FSTL5: variants seen among roughly 807,000 people sequenced by gnomAD.
FSTL5 encodes the protein follistatin-related protein 5.
A neutral mutation model predicts 89.1 loss-of-function variants in FSTL5; 62 were observed. That is an observed-to-expected ratio of 0.70 (90% CI 0.57 to 0.86). The LOEUF (loss-of-function observed/expected upper bound fraction) is 0.86. FSTL5 is among the 40% of genes least tolerant of loss of function. FSTL5 has a pLI of 0.00. For missense variants in FSTL5, 1,057 were observed against 1,001.6 expected (o/e 1.06, Z -0.75); for synonymous variants, 383 against 346.2 (o/e 1.11, Z -1.18).
chr4:161,783,677 C>CTCTT (rs751181020), intron 4 of FSTL5, among the ~76,000 whole-genome samples: 82 of 8,178 alleles, frequency 0.01, 12 homozygotes, highest in African/African-American at 0.025. Context: ...TTCTTTCTTT[C>CTCTT]TCTTTCTTTC....
chr4:161,785,126 C>T (rs980932561), intron 4 of FSTL5, among the ~76,000 whole-genome samples: 2 of 151,980 alleles, frequency 1.3e-5, no homozygotes, highest in South Asian at 2.1e-4. Flanking sequence ...ACTCAACATT[C>T]GACTTTACGT....
chr4:161,657,654 T>C (rs1040170891), intron 6 of FSTL5, among the ~76,000 whole-genome samples: 1 of 152,148 alleles, frequency 6.6e-6, no homozygotes, highest in African/African-American at 2.4e-5. Context: ...CCCCTTGAGA[T>C]GCTAAACAAG....
chr4:161,663,578 T>C (rs1015718915), intron 6 of FSTL5, among the ~76,000 whole-genome samples: 1 of 152,186 alleles, frequency 6.6e-6, no homozygotes, highest in African/African-American at 2.4e-5. Context: ...CCCTGTGGCA[T>C]TGCAGGGTAC....
At chr4:161,787,442 T>C (rs1041769813) in intron 4 of FSTL5, among the ~76,000 whole-genome samples, 10 of 152,064 alleles carry the variant, frequency 6.6e-5, no homozygotes, top group African/African-American at 1.9e-4. Flanking sequence ...ACCATGCACA[T>C]TTTATAAGGA....
At chr4:161,452,305 G>A (rs1349020233) in intron 15 of FSTL5, among the ~76,000 whole-genome samples, 5 of 152,028 alleles carry the variant, frequency 3.3e-5, no homozygotes, top group Admixed American at 6.6e-5. Flanking sequence ...GTGAAACTCC[G>A]TCTCTACTAA....
intron 4 of FSTL5, among the ~76,000 whole-genome samples, chr4:161,818,735 A>G (rs776313542): frequency 6.6e-6 from 1 of 152,188 alleles, no homozygotes; most frequent in Non-Finnish European, 1.5e-5. Context: ...AGTTTTCTAT[A>G]ACTTAATGTA....
rs184651468 is a variant in FSTL5 at position 161,851,252 on chromosome 4, T to C, written c.409+69152A>G. ...GGAAGTTGATTATCCTGACACCATC[T>C]TTCTCTTTTAATTGAAATATATAAA... On this transcript the variant is annotated intron_variant, in intron 4 of 15. Coordinates refer to ENST00000306100, the MANE Select transcript of FSTL5 (RefSeq NM_020116.5). 3.8e-3 allele frequency among the ~76,000 whole-genome samples: 584 copies of C among 152,338 alleles called. 2 individuals are homozygous for C. Among genetic ancestry groups the C allele is most frequent in the Middle Eastern group, 0.024 (7 of 294 alleles).
At position 161,929,681 on chromosome 4, in the gene FSTL5, G is replaced by GTGTGTGTGTGTGTGTGTGTGTGTGTATA. The variant is rs1553983439; in HGVS notation, c.161-9030_161-9029insTATACACACACACACACACACACACACA. Among the ~76,000 whole-genome samples, 129 of 115,526 alleles carry GTGTGTGTGTGTGTGTGTGTGTGTGTATA rather than the reference G, an allele frequency of 1.1e-3. 1 individual carries two copies. Among genetic ancestry groups the GTGTGTGTGTGTGTGTGTGTGTGTGTATA allele is most frequent in the African/African-American group, 4.0e-3 (125 of 30,908 alleles). The allele number at this position is 115,526 out of a possible 152,430, so 75.8% of individuals were successfully genotyped here. A position where few individuals can be genotyped will look rare whatever the true frequency, so the allele number is the denominator to read the frequency against. On this transcript the variant is annotated intron_variant, in intron 3 of 15. Coordinates refer to ENST00000306100, the MANE Select transcript of FSTL5 (RefSeq NM_020116.5). ...GGCACGTGTGTGTGTGTGTGTGTGT[G>GTGTGTGTGTGTGTGTGTGTGTGTGTATA]TGTGTGTGTGTGTGTGTGTGTACAT... is the stretch of plus-strand genomic sequence containing the variant.
rs926947518 is a variant in FSTL5, at chr4:161,516,128, A to T, written c.1313-5704T>A. Among the ~76,000 whole-genome samples the T allele has an allele frequency of 1.0e-4, 15 of 148,538 alleles. No homozygotes were observed. The South Asian group carries it at 3.1e-3, about 31-fold the overall frequency. The stretch of plus-strand genomic sequence containing the variant: ...ATAATGTATTATATATTATATTCTT[A>T]TATATATATTAGTTTGGTTACCTGT... On this transcript the variant is annotated intron_variant, in intron 10 of 15. Coordinates refer to ENST00000306100, the MANE Select transcript of FSTL5 (RefSeq NM_020116.5).
rs1553991664 is a variant in FSTL5, at chr4:161,496,833, T to TAGAGATAGAGAC, written c.1458+3182_1458+3183insGTCTCTATCTCT. The stretch of plus-strand genomic sequence containing the variant: ...ATAGAGATAGAGATAGAGATAGAGA[T>TAGAGATAGAGAC]AGAGATCAAAAGAGAGAAATAGAGG... On this transcript the variant is annotated intron_variant, in intron 12 of 15. Coordinates refer to ENST00000306100, the MANE Select transcript of FSTL5 (RefSeq NM_020116.5). Among the ~76,000 whole-genome samples the TAGAGATAGAGAC allele has an allele frequency of 6.8e-3, 1,033 of 151,188 alleles. 8 individuals are homozygous for TAGAGATAGAGAC. The highest frequency in any genetic ancestry group is 0.023 in the African/African-American group (961 of 40,936).
chr4:161,629,856 G>A (rs1735443957), intron 7 of FSTL5, among the ~76,000 whole-genome samples: 1 of 152,194 alleles, frequency 6.6e-6, no homozygotes, highest in South Asian at 2.1e-4. Context: ...AGGTCTCAGA[G>A]GGGAAAGCTA....
intron 3 of FSTL5, among the ~76,000 whole-genome samples, chr4:162,023,192 G>A (rs1339274429): frequency 1.3e-5 from 2 of 152,046 alleles, no homozygotes; most frequent in Admixed American, 6.6e-5. Context: ...CGTGTGGTAT[G>A]GTAAGATTTC....
intron 15 of FSTL5, chr4:161,387,271 A>T (rs1446406799): frequency 6.6e-6 from 1 of 152,060 alleles, no homozygotes; most frequent in African/African-American, 2.4e-5. Context: ...TCCAAAGTAG[A>T]TATTGGCCAA....
intron 6 of FSTL5, among the ~76,000 whole-genome samples, chr4:161,664,626 T>C (rs928267160): frequency 3.9e-5 from 6 of 152,192 alleles, no homozygotes; most frequent in African/African-American, 1.4e-4. Flanking sequence ...CATTTTTCTG[T>C]CTTTGTCTGA....
At chr4:161,482,796 C>G (rs934516155) in intron 12 of FSTL5, among the ~76,000 whole-genome samples, 1 of 152,190 alleles carries the variant, frequency 6.6e-6, no homozygotes, top group Non-Finnish European at 1.5e-5. Flanking sequence ...TTTATGTTCT[C>G]CAAATGTCAG....
At chr4:161,411,233 T>G (rs1731579488) in intron 15 of FSTL5, among the ~76,000 whole-genome samples, 1 of 152,154 alleles carries the variant, frequency 6.6e-6, no homozygotes, top group South Asian at 2.1e-4. Flanking sequence ...ACCAGATGAT[T>G]CACAGCCAAA....
intron 6 of FSTL5, among the ~76,000 whole-genome samples, chr4:161,744,723 G>A (rs1467011379): frequency 6.6e-6 from 1 of 151,992 alleles, no homozygotes; most frequent in Non-Finnish European, 1.5e-5. Flanking sequence ...GGAAAAGCCT[G>A]ATAAAATTGT....
chr4:161,664,434 C>T (rs188463949), intron 6 of FSTL5, among the ~76,000 whole-genome samples: 264 of 152,282 alleles, frequency 1.7e-3, no homozygotes, highest in African/African-American at 4.5e-3. Flanking sequence ...ATCTCTAGGG[C>T]AGGGTCAAAA....
chr4:161,847,504 C>T (rs1031754810), intron 4 of FSTL5, among the ~76,000 whole-genome samples: 2 of 152,128 alleles, frequency 1.3e-5, no homozygotes, highest in Admixed American at 1.3e-4. Flanking sequence ...CCAGAGCTGG[C>T]TCTCCAAAGC....
Sources: allele counts gnomAD v4.1 joint callset (sites outside exome capture counted in the v4.1 genomes callset), GRCh38; gene constraint gnomAD v4.1.1; transcripts MANE v1.5; gene names NCBI Gene and HGNC (gene_info 2026-07-23, HGNC 2026-07-21).